The following SH3PXD2A variants were observed in gnomAD, a reference collection of about 807,000 sequenced individuals.
SH3PXD2A encodes the protein SH3 and PX domains 2A, also known as SH3 and PX domain-containing protein 2A.
Under a neutral mutation model 115.2 loss-of-function variants are expected in SH3PXD2A, and 32 were observed. That is an observed-to-expected ratio of 0.28 (90% CI 0.21 to 0.37). SH3PXD2A has a LOEUF of 0.37. SH3PXD2A is among the 10% of genes least tolerant of loss of function. SH3PXD2A has a pLI of 1.00. For missense variants in SH3PXD2A, 1,328 were observed against 1,498.7 expected (o/e 0.89, Z 1.88); for synonymous variants, 610 against 629.1 (o/e 0.97, Z 0.45).
At chr10:103,789,690 T>G (rs1374832893) in intron 2 of SH3PXD2A, among the ~76,000 whole-genome samples, 1 of 152,158 alleles carries the variant, frequency 6.6e-6, no homozygotes, top group African/African-American at 2.4e-5. Context: ...GAAGGCCCAG[T>G]AGGGGCAGAG....
chr10:103,654,616 T>C (rs1031901487), intron 8 of SH3PXD2A, among the ~76,000 whole-genome samples: 9 of 152,110 alleles, frequency 5.9e-5, no homozygotes, highest in Non-Finnish European at 1.0e-4. Flanking sequence ...AGGGCCTCAC[T>C]ATGCTGCCCA....
At chr10:103,834,394 G>C (rs904229241) in intron 1 of SH3PXD2A, among the ~76,000 whole-genome samples, 3 of 152,214 alleles carry the variant, frequency 2.0e-5, no homozygotes, top group African/African-American at 7.2e-5. Flanking sequence ...CAGTCCACAG[G>C]GACAGAAAGC....
At chr10:103,767,810 GTTTTTT>G (rs34903223) in intron 2 of SH3PXD2A, among the ~76,000 whole-genome samples, 10 of 67,740 alleles carry the variant, frequency 1.5e-4, no homozygotes, top group African/African-American at 5.1e-4. Context: ...CAACTGTTTT[GTTTTTT>G]TTTTTTTTTT....
intron 1 of SH3PXD2A, among the ~76,000 whole-genome samples, chr10:103,811,779 T>G (rs1435154438): frequency 6.6e-6 from 1 of 152,202 alleles, no homozygotes; most frequent in African/African-American, 2.4e-5. Context: ...CACTCTATTT[T>G]GCATAGTTTA....
chr10:103,730,982 G>T (rs1437149328), intron 4 of SH3PXD2A, among the ~76,000 whole-genome samples: 1 of 152,198 alleles, frequency 6.6e-6, no homozygotes, highest in East Asian at 1.9e-4. Flanking sequence ...ACAGGCTCAG[G>T]GGCGGAGGCC....
chr10:103,632,804 T>C (rs1163866970), intron 8 of SH3PXD2A, among the ~76,000 whole-genome samples: 1 of 151,878 alleles, frequency 6.6e-6, no homozygotes, highest in Non-Finnish European at 1.5e-5. Flanking sequence ...TGAAACCCCG[T>C]CTCTACTAAA....
chr10:103,735,699 GAGCCCCTCCCCC>G, intron 4 of SH3PXD2A, 21 bp downstream of exon 4: 6 of 624,502 alleles, frequency 9.6e-6, no homozygotes, highest in Non-Finnish European at 1.8e-5. Flanking sequence ...AGCCCTCCCC[GAGCCCCTCCCCC>G]AGCCCCAGAT....
At chr10:103,704,896 G>T (rs926713028) in intron 5 of SH3PXD2A, among the ~76,000 whole-genome samples, 2 of 152,198 alleles carry the variant, frequency 1.3e-5, no homozygotes, top group Non-Finnish European at 2.9e-5. Flanking sequence ...GACCTGGGTG[G>T]TGGCAGCCCT....
At chr10:103,628,297 A>C (rs59440473) in intron 8 of SH3PXD2A, among the ~76,000 whole-genome samples, 6,557 of 152,244 alleles carry the variant, frequency 0.043, 468 homozygotes, top group African/African-American at 0.15. Context: ...CCCACATGAC[A>C]GGTCTGGGCT....
chr10:103,839,612 C>T (rs1018388276), intron 1 of SH3PXD2A, among the ~76,000 whole-genome samples: 3 of 151,812 alleles, frequency 2.0e-5, no homozygotes, highest in African/African-American at 7.3e-5. Context: ...CAGCCCCACC[C>T]CCAAGGCCAC....
At chr10:103,697,738 C>A (rs990331744) in intron 5 of SH3PXD2A, among the ~76,000 whole-genome samples, 5 of 152,174 alleles carry the variant, frequency 3.3e-5, no homozygotes, top group African/African-American at 9.7e-5. Context: ...TTCATTTTAT[C>A]TTGGCCAGAC....
At chr10:103,743,392 CT>C (rs889040451) in intron 3 of SH3PXD2A, among the ~76,000 whole-genome samples, 1 of 152,052 alleles carries the variant, frequency 6.6e-6, no homozygotes, top group African/African-American at 2.4e-5. Flanking sequence ...GACTGGGACT[CT>C]TTTTTTGTTT....
At chr10:103,741,040 C>T (rs2038438726) in intron 3 of SH3PXD2A, among the ~76,000 whole-genome samples, 1 of 152,226 alleles carries the variant, frequency 6.6e-6, no homozygotes, top group Non-Finnish European at 1.5e-5. Flanking sequence ...AGGTCTTCCC[C>T]CATCTCTACA....
Position 103,706,134 on chromosome 10 carries a change from G to A in SH3PXD2A, c.399-13078C>T, listed in dbSNP as rs561612067. Among the ~76,000 whole-genome samples the A allele has an allele frequency of 4.6e-5, 7 of 152,306 alleles. No individual in the cohort carries two copies. In the South Asian group the frequency reaches 8.3e-4, roughly 18 times the overall value. On this transcript the variant is annotated intron_variant, in intron 5 of 14. Transcript: ENST00000369774. ...CAGGAAGAAACCTGGCTGGTGACCCGCACAGTGGGTCACAGTGTCACAGCG... is the reference window on the plus strand; with the variant it reads ...CAGGAAGAAACCTGGCTGGTGACCCACACAGTGGGTCACAGTGTCACAGCG...
chr10:103,617,425 G>T, intron 10 of SH3PXD2A, 111 bp from the exon 11 acceptor site: 2 of 751,558 alleles, frequency 2.7e-6, no homozygotes. Context: ...TGCCAAGAAG[G>T]TCCACTGGGT....
intron 5 of SH3PXD2A, among the ~76,000 whole-genome samples, chr10:103,700,818 A>G (rs1234858299): frequency 6.6e-6 from 1 of 152,150 alleles, no homozygotes; most frequent in Non-Finnish European, 1.5e-5. Flanking sequence ...TACATGCCAG[A>G]CCTAGGGAAC....
chr10:103,792,697 C>A (rs2039046825), intron 2 of SH3PXD2A, among the ~76,000 whole-genome samples: 1 of 152,160 alleles, frequency 6.6e-6, no homozygotes, highest in African/African-American at 2.4e-5. Context: ...GAGCACATGC[C>A]CTTAGCCACT....
intron 3 of SH3PXD2A, among the ~76,000 whole-genome samples, chr10:103,749,001 G>A (rs1264166056): frequency 1.3e-5 from 2 of 150,564 alleles, no homozygotes; most frequent in African/African-American, 2.5e-5. Context: ...ACAGAGTCTC[G>A]CTCTGTTACC....
chr10:103,650,009 C>T (rs2037094330), intron 8 of SH3PXD2A, among the ~76,000 whole-genome samples: 1 of 152,240 alleles, frequency 6.6e-6, no homozygotes, highest in African/African-American at 2.4e-5. Flanking sequence ...GGGGAGTTTG[C>T]ATTCTCCAGT....
Sources: gnomAD v4.1 joint callset for allele counts (sites outside exome capture counted in the v4.1 genomes callset) on GRCh38, gnomAD v4.1.1 for gene constraint, MANE v1.5 for transcripts, NCBI Gene and HGNC (gene_info 2026-07-23, HGNC 2026-07-21) for gene names.